The following NAV2 variants were observed in gnomAD, a reference collection of about 807,000 sequenced individuals.
NAV2 encodes the protein helicase, APC down-regulated 1.
A neutral mutation model predicts 223.2 loss-of-function variants in NAV2; 54 were observed. The ratio of observed to expected loss-of-function variants is 0.24; its 90% confidence interval spans 0.19 to 0.30. The LOEUF is 0.30. NAV2 is among the 10% of genes least tolerant of loss of function. The pLI, the probability that NAV2 is intolerant of heterozygous loss-of-function variation, is 1.00. For synonymous variants in NAV2, 1,279 were observed against 1,239.3 expected (o/e 1.03, Z -0.67); for missense variants, 2,806 against 3,147.5 (o/e 0.89, Z 2.60).
chr11:20,106,177 GTGTGTGTA>G (rs1565089028), intron 35 of NAV2, among the ~76,000 whole-genome samples: 60 of 13,810 alleles, frequency 4.3e-3, no homozygotes, highest in East Asian at 0.017. Context: ...ATATATATAT[GTGTGTGTA>G]TATATATATA....
chr11:19,945,129 C>T (rs7482711), intron 8 of NAV2, among the ~76,000 whole-genome samples: 13 of 115,498 alleles, frequency 1.1e-4, no homozygotes, highest in Admixed American at 2.0e-4. Context: ...TTCTTTCTTT[C>T]TTTCTTTCTT....
At chr11:19,958,345 G>C (rs1358200239) in intron 10 of NAV2, among the ~76,000 whole-genome samples, 4 of 152,216 alleles carry the variant, frequency 2.6e-5, no homozygotes, top group Non-Finnish European at 5.9e-5. Flanking sequence ...AGTAAGACCA[G>C]GTTGCCAAGA....
At chr11:19,587,241 G>T (rs2045930505) in intron 1 of NAV2, among the ~76,000 whole-genome samples, 1 of 152,204 alleles carries the variant, frequency 6.6e-6, no homozygotes, top group Non-Finnish European at 1.5e-5. Flanking sequence ...ACAGTATTAG[G>T]GTGGGAGTGA....
At chr11:19,487,924 G>T (rs1217632699) in intron 1 of NAV2, among the ~76,000 whole-genome samples, 3 of 152,166 alleles carry the variant, frequency 2.0e-5, no homozygotes, top group African/African-American at 7.2e-5. Context: ...AACTGTTGTT[G>T]CTCCAAGCCA....
At chr11:19,925,935 T>C (rs1257205548) in intron 6 of NAV2, among the ~76,000 whole-genome samples, 2 of 152,186 alleles carry the variant, frequency 1.3e-5, no homozygotes, top group Non-Finnish European at 2.9e-5. Context: ...CACTGGTCTA[T>C]ATGTCTGTCT....
intron 1 of NAV2, among the ~76,000 whole-genome samples, chr11:19,646,729 A>G (rs1008848620): frequency 7.2e-5 from 11 of 152,178 alleles, no homozygotes; most frequent in Non-Finnish European, 1.0e-4. Context: ...AGATGCTTTA[A>G]ATATAAAACC....
At chr11:19,683,517 C>A (rs955045443) in intron 1 of NAV2, among the ~76,000 whole-genome samples, 1 of 152,272 alleles carries the variant, frequency 6.6e-6, no homozygotes, top group African/African-American at 2.4e-5. Context: ...GTAGAGTTCT[C>A]AGCCAGCTGA....
upstream of NAV2, among the ~76,000 whole-genome samples, chr11:19,350,193 G>C (rs1295289932): frequency 6.6e-6 from 1 of 152,088 alleles, no homozygotes; most frequent in Non-Finnish European, 1.5e-5. Context: ...GAGAAGTGGG[G>C]AGCCCGTGAG....
chr11:20,065,597 A>G (rs930775126), intron 20 of NAV2, among the ~76,000 whole-genome samples: 3 of 152,242 alleles, frequency 2.0e-5, no homozygotes, highest in Admixed American at 2.0e-4. Context: ...TAGTGTTACC[A>G]GATGTGCAGA....
intron 1 of NAV2, among the ~76,000 whole-genome samples, chr11:19,822,417 A>G (rs748754489): frequency 2.6e-5 from 4 of 152,252 alleles, no homozygotes; most frequent in Non-Finnish European, 5.9e-5. Flanking sequence ...GTAGATGCTC[A>G]GGCAGTGTTT....
rs567365566 is a variant in NAV2, at chr11:19,998,537, C to A, written c.2768+14290C>A. Among the ~76,000 whole-genome samples, 1 of 152,134 alleles carries A rather than the reference C, an allele frequency of 6.6e-6. No homozygotes were observed. Among genetic ancestry groups the A allele is most frequent in the Admixed American group, 6.6e-5 (1 of 15,264 alleles). ...CTAGAATAAAGGTCAGACTCCTTGC[C>A]GTGGCCTCCAAGGGGGTGTGTGTTC... On this transcript the variant is annotated intron_variant, in intron 11 of 37. Coordinates refer to ENST00000349880, the MANE Select transcript of NAV2 (RefSeq NM_145117.5). This position sits in a 1 kb window ranked among gnomAD's most constrained non-coding sequence, Gnocchi z 5.0.
At chr11:19,981,812 G>A (rs941688966) in intron 10 of NAV2, among the ~76,000 whole-genome samples, 5 of 152,318 alleles carry the variant, frequency 3.3e-5, no homozygotes, top group South Asian at 4.1e-4. Context: ...ATCTGTTGGA[G>A]GGTGGCTGGA....
intron 11 of NAV2, among the ~76,000 whole-genome samples, chr11:20,033,362 G>A (rs1490336125): frequency 6.6e-6 from 1 of 152,214 alleles, no homozygotes; most frequent in Non-Finnish European, 1.5e-5. Context: ...ATAGAGAATA[G>A]CTAGAAAACT....
chr11:19,981,525 A>T (rs181104492), intron 10 of NAV2, among the ~76,000 whole-genome samples: 38 of 152,324 alleles, frequency 2.5e-4, no homozygotes, highest in Non-Finnish European at 4.9e-4. Flanking sequence ...TGCTAAAATT[A>T]GTTTGTTTGT....
At chr11:19,891,599 A>G (rs2625291) in intron 5 of NAV2, among the ~76,000 whole-genome samples, 110,857 of 152,156 alleles carry the variant, frequency 0.73, 43,285 homozygotes, top group Non-Finnish European at 0.87. Flanking sequence ...TGTGCAGATA[A>G]GTTGTACTTC....
chr11:19,882,536 G>A (rs1405540615), intron 5 of NAV2, among the ~76,000 whole-genome samples: 3 of 152,072 alleles, frequency 2.0e-5, no homozygotes, highest in Non-Finnish European at 4.4e-5. Flanking sequence ...CACTGCATAG[G>A]GTTCCAAGGA....
At position 19,872,512 on chromosome 11, in the gene NAV2, A is replaced by AT. The variant is rs780707599; in HGVS notation, c.511+3517dup. ...AACTACTAGCAAAGCAGTGTGGTGT[A>AT]TTAAAAAGTAATGCAGATTTAATGC... is the stretch of plus-strand genomic sequence containing the variant. On this transcript the variant is annotated intron_variant, in intron 4 of 37. Coordinates refer to ENST00000349880, the MANE Select transcript of NAV2 (RefSeq NM_145117.5). 3.0e-4 allele frequency among the ~76,000 whole-genome samples: 45 copies of AT among 152,380 alleles called. 1 individual carries two copies. Among genetic ancestry groups the AT allele is most frequent in the Non-Finnish European group, 5.6e-4 (38 of 68,042 alleles).
chr11:19,996,312 G>A (rs2051876274), intron 11 of NAV2, among the ~76,000 whole-genome samples: 1 of 152,230 alleles, frequency 6.6e-6, no homozygotes, highest in East Asian at 1.9e-4. Context: ...ATCCCCTAGG[G>A]CCTAGCACCA....
At chr11:19,856,686 T>C (rs1189295261) in intron 3 of NAV2, among the ~76,000 whole-genome samples, 1 of 152,228 alleles carries the variant, frequency 6.6e-6, no homozygotes, top group Non-Finnish European at 1.5e-5. Flanking sequence ...GTTAGATTTC[T>C]CATAGACATT....
Sources: gnomAD v4.1 joint callset for allele counts (sites outside exome capture counted in the v4.1 genomes callset) on GRCh38, gnomAD v4.1.1 for gene constraint, Gnocchi (gnomAD v3.1) non-coding constraint, MANE v1.5 for transcripts, NCBI Gene and HGNC (gene_info 2026-07-23, HGNC 2026-07-21) for gene names.